The following NELL2 variants were observed in gnomAD, a reference collection of about 807,000 sequenced individuals.
NELL2 encodes neural EGFL like 2, also known as protein kinase C-binding protein NELL2.
In NELL2, 41 loss-of-function variants were observed where a neutral mutation model predicts 109.6. That is an observed-to-expected ratio of 0.37 (90% CI 0.29 to 0.49). NELL2 has a LOEUF of 0.49. Among genes scored for constraint, NELL2 ranks in the 20% least tolerant of loss-of-function variants. The pLI is 0.98. For synonymous variants in NELL2, 355 were observed against 344.7 expected (o/e 1.03, Z -0.33); for missense variants, 900 against 1,008.3 (o/e 0.89, Z 1.45).
At chr12:44,765,890 C>T (rs923861136) in intron 9 of NELL2, among the ~76,000 whole-genome samples, 9 of 152,060 alleles carry the variant, frequency 5.9e-5, no homozygotes, top group South Asian at 2.1e-4. Context: ...TTTGGGAGGC[C>T]GAGGTGGGCA....
chr12:44,542,809 A>G (rs916198097), intron 15 of NELL2, among the ~76,000 whole-genome samples: 2 of 152,140 alleles, frequency 1.3e-5, no homozygotes, highest in African/African-American at 4.8e-5. Flanking sequence ...GTCTGCACAG[A>G]TGGGGGAGGA....
chr12:44,791,096 T>TATATACATATATATATATATATATAC (rs1491151191), intron 3 of NELL2, among the ~76,000 whole-genome samples: 1 of 23,870 alleles, frequency 4.2e-5, no homozygotes, highest in African/African-American at 1.2e-4. Flanking sequence ...TATATATATA[T>TATATACATATATATATATATATATAC]GTATATATAT....
At chr12:44,681,987 C>T (rs1280434571) in intron 12 of NELL2, among the ~76,000 whole-genome samples, 3 of 151,774 alleles carry the variant, frequency 2.0e-5, no homozygotes, top group East Asian at 1.9e-4. Flanking sequence ...CCTGAGGAAT[C>T]GCCACACTGA....
intron 3 of NELL2, among the ~76,000 whole-genome samples, chr12:44,813,126 G>T (rs1943232786): frequency 6.6e-6 from 1 of 152,078 alleles, no homozygotes. Flanking sequence ...TTTGTACAAG[G>T]CCCCAAAAGC....
chr12:44,738,192 A>G (rs1939753906), intron 9 of NELL2, among the ~76,000 whole-genome samples: 1 of 152,178 alleles, frequency 6.6e-6, no homozygotes, highest in Admixed American at 6.5e-5. Context: ...GAGAAGAACT[A>G]TATTATTGTG....
intron 15 of NELL2, among the ~76,000 whole-genome samples, chr12:44,557,157 C>A (rs994817327): frequency 1.3e-5 from 2 of 152,156 alleles, no homozygotes; most frequent in African/African-American, 4.8e-5. Context: ...CAGCCTTGAA[C>A]CAGGGCCCCC....
chr12:44,563,231 T>C lies in NELL2; in HGVS notation c.1664-30510A>G, dbSNP rs542598675. On this transcript the variant is annotated intron_variant, in intron 15 of 19. Coordinates refer to ENST00000429094, the MANE Select transcript of NELL2 (RefSeq NM_001145108.2). The stretch of plus-strand genomic sequence containing the variant: ...CTAATGTAGATGACAGGTTGATTGG[T>C]GCAGCAAACCACCATGGCACATGTA... Among the ~76,000 whole-genome samples the C allele has an allele frequency of 3.9e-5, 6 of 152,128 alleles. No homozygotes were observed. In the South Asian group the frequency reaches 1.2e-3, roughly 32 times the overall value.
At chr12:44,511,957 G>C (rs1026743450) in intron 19 of NELL2, among the ~76,000 whole-genome samples, 3 of 151,858 alleles carry the variant, frequency 2.0e-5, no homozygotes, top group Non-Finnish European at 2.9e-5. Flanking sequence ...AAAAGCACAG[G>C]CAACAAAAAC....
intron 2 of NELL2, among the ~76,000 whole-genome samples, chr12:44,825,391 C>CTTTTTTTTT (rs34266446): frequency 1.2e-5 from 1 of 83,618 alleles, no homozygotes; most frequent in Non-Finnish European, 2.2e-5. Context: ...TATTCATTTC[C>CTTTTTTTTT]TTTTTTTTTT....
intron 12 of NELL2, among the ~76,000 whole-genome samples, chr12:44,701,051 A>T (rs1218629559): frequency 6.6e-6 from 1 of 152,110 alleles, no homozygotes; most frequent in Non-Finnish European, 1.5e-5. Context: ...TATAATCACA[A>T]GTGTAATTTA....
chr12:44,780,170 G>A (rs1941903773), intron 3 of NELL2, 148 bp from the exon 4 acceptor site: 9 of 788,134 alleles, frequency 1.1e-5, no homozygotes, highest in Non-Finnish European at 1.8e-5. Context: ...AAACACAGAA[G>A]AATCTAGAAG....
At chr12:44,664,091 G>T (rs1049815444) in intron 13 of NELL2, among the ~76,000 whole-genome samples, 22 of 151,820 alleles carry the variant, frequency 1.4e-4, no homozygotes, top group African/African-American at 5.1e-4. Flanking sequence ...AGATTTATTG[G>T]TATTATCAAT....
At chr12:44,515,242 G>A (rs1941209029) in intron 19 of NELL2, among the ~76,000 whole-genome samples, 1 of 151,746 alleles carries the variant, frequency 6.6e-6, no homozygotes, top group South Asian at 2.1e-4. Context: ...TATTAAAAAT[G>A]CACTTTAAAT....
intron 9 of NELL2, among the ~76,000 whole-genome samples, chr12:44,744,905 A>C (rs1031596577): frequency 2.6e-5 from 4 of 152,326 alleles, no homozygotes; most frequent in Middle Eastern, 3.4e-3. Context: ...TCCTTCTGAA[A>C]CTATTCCAAC....
chr12:44,914,291 T>C (rs415380), upstream of NELL2, among the ~76,000 whole-genome samples: 5,297 of 152,212 alleles, frequency 0.035, 201 homozygotes, highest in African/African-American at 0.085. Flanking sequence ...CCTTCCCTTG[T>C]TCCATTTCAG....
intron 15 of NELL2, among the ~76,000 whole-genome samples, chr12:44,596,544 A>G (rs1421988732): frequency 6.6e-6 from 1 of 152,124 alleles, no homozygotes; most frequent in Non-Finnish European, 1.5e-5. Flanking sequence ...GGTTTACCAT[A>G]TTAACTAATA....
At chr12:44,729,108 T>C (rs1221920342) in intron 9 of NELL2, among the ~76,000 whole-genome samples, 3 of 152,112 alleles carry the variant, frequency 2.0e-5, no homozygotes, top group African/African-American at 4.8e-5. Context: ...CAGTGGTGTA[T>C]ATATCACCTT....
intron 9 of NELL2, among the ~76,000 whole-genome samples, chr12:44,763,775 G>A (rs1941218255): frequency 6.6e-6 from 1 of 151,986 alleles, no homozygotes; most frequent in African/African-American, 2.4e-5. Flanking sequence ...TTACAAAGGA[G>A]GAAAGAGAAG....
chr12:44,902,415 T>C (rs368054618), intron 1 of NELL2, among the ~76,000 whole-genome samples: 215 of 152,200 alleles, frequency 1.4e-3, no homozygotes, highest in African/African-American at 5.1e-3. Flanking sequence ...CACAAACAAA[T>C]GGAAAAATCA....
Sources: allele counts gnomAD v4.1 joint callset (sites outside exome capture counted in the v4.1 genomes callset), GRCh38; gene constraint gnomAD v4.1.1; transcripts MANE v1.5; gene names NCBI Gene and HGNC (gene_info 2026-07-23, HGNC 2026-07-21).